Variants in SRBD1 observed in about 807,000 individuals in gnomAD.
SRBD1 encodes S1 RNA-binding domain-containing protein 1.
Under a neutral mutation model 115.3 loss-of-function variants are expected in SRBD1, and 88 were observed. The ratio of observed to expected loss-of-function variants is 0.76; its 90% CI spans 0.64 to 0.91. The LOEUF is 0.91. Among genes scored for constraint, SRBD1 ranks in the 40% least tolerant of loss-of-function variants. The pLI is 0.00. For synonymous variants in SRBD1, 509 were observed against 407.7 expected (o/e 1.25, Z -2.99); for missense variants, 1,385 against 1,177.4 (o/e 1.18, Z -2.58).
intron 14 of SRBD1, among the ~76,000 whole-genome samples, chr2:45,535,820 G>T (rs539716249): frequency 1.6e-4 from 25 of 152,060 alleles, no homozygotes; most frequent in African/African-American, 5.8e-4. Context: ...GAAGCAATGA[G>T]ATTTCTTTTC....
chr2:45,595,172 A>T (rs1400005834), intron 4 of SRBD1, among the ~76,000 whole-genome samples: 4 of 152,210 alleles, frequency 2.6e-5, no homozygotes, highest in Admixed American at 2.6e-4. Flanking sequence ...CTAAAACTAA[A>T]TCAAGTGTTG....
intron 9 of SRBD1, among the ~76,000 whole-genome samples, chr2:45,571,109 A>C (rs956494395): frequency 6.6e-6 from 1 of 152,070 alleles, no homozygotes; most frequent in African/African-American, 2.4e-5. Context: ...TTAAGCTTTC[A>C]CCTCTAGATG....
At chr2:45,550,516 T>C (rs28504192) in intron 12 of SRBD1, among the ~76,000 whole-genome samples, 13,630 of 147,200 alleles carry the variant, frequency 0.093, 939 homozygotes, top group African/African-American at 0.18. Flanking sequence ...AAGAATGACA[T>C]CTTTAAAGTA....
intron 14 of SRBD1, among the ~76,000 whole-genome samples, chr2:45,502,156 G>A (rs1427934966): frequency 1.3e-5 from 2 of 152,164 alleles, no homozygotes; most frequent in African/African-American, 4.8e-5. Context: ...TGCAGCCTCT[G>A]CTGCTGATAC....
At chr2:45,583,538 T>C (rs550789545) in intron 5 of SRBD1, among the ~76,000 whole-genome samples, 3 of 152,346 alleles carry the variant, frequency 2.0e-5, no homozygotes, top group Admixed American at 2.0e-4. Context: ...TATACATACA[T>C]ATAGATGCTA....
chr2:45,540,450 A>G (rs538010093), intron 14 of SRBD1, among the ~76,000 whole-genome samples: 30 of 152,296 alleles, frequency 2.0e-4, no homozygotes, highest in African/African-American at 6.7e-4. Context: ...GAAGAAAATC[A>G]CAGTAACCTT....
intron 19 of SRBD1, among the ~76,000 whole-genome samples, chr2:45,401,647 T>TA (rs1667294617): frequency 6.6e-6 from 1 of 152,226 alleles, no homozygotes; most frequent in African/African-American, 2.4e-5. Context: ...AACGTGTTTT[T>TA]ATCATTGCAG....
At chr2:45,537,275 A>G (rs906003253) in intron 14 of SRBD1, among the ~76,000 whole-genome samples, 9 of 152,154 alleles carry the variant, frequency 5.9e-5, no homozygotes, top group African/African-American at 1.7e-4. Context: ...TTATACCTAT[A>G]CTTACCTAAA....
intron 15 of SRBD1, among the ~76,000 whole-genome samples, chr2:45,487,720 T>C (rs1029791890): frequency 6.6e-6 from 1 of 152,164 alleles, no homozygotes; most frequent in Non-Finnish European, 1.5e-5. Context: ...AGTGGCACAA[T>C]CTTGGCTCAC....
At chr2:45,438,934 G>A (rs546336172) in intron 16 of SRBD1, among the ~76,000 whole-genome samples, 2 of 152,200 alleles carry the variant, frequency 1.3e-5, no homozygotes, top group South Asian at 4.1e-4. Context: ...GAAACTTTAT[G>A]GTCAAACTGC....
intron 14 of SRBD1, among the ~76,000 whole-genome samples, chr2:45,518,642 A>G (rs1671191382): frequency 6.6e-6 from 1 of 152,216 alleles, no homozygotes; most frequent in Non-Finnish European, 1.5e-5. Flanking sequence ...GTGCCTTTGT[A>G]AGAATCAACC....
At chr2:45,562,586 A>C (rs886812454) in intron 10 of SRBD1, 67 bp downstream of exon 10, 2 of 1,265,608 alleles carry the variant, frequency 1.6e-6, no homozygotes, top group Non-Finnish European at 2.2e-6. Context: ...ATATCAGTAC[A>C]TATAGATATC....
intron 5 of SRBD1, among the ~76,000 whole-genome samples, chr2:45,582,309 C>T (rs549325369): frequency 3.3e-5 from 5 of 152,188 alleles, no homozygotes; most frequent in Middle Eastern, 3.4e-3. Context: ...AATTAAATAC[C>T]GATGGAGCAT....
chr2:45,493,272 T>C (rs142881959), intron 14 of SRBD1, among the ~76,000 whole-genome samples: 37 of 152,258 alleles, frequency 2.4e-4, no homozygotes, highest in African/African-American at 8.7e-4. Flanking sequence ...TGAACCAACA[T>C]AAATCTTAAT....
At chr2:45,498,071 C>G (rs955510313) in intron 14 of SRBD1, among the ~76,000 whole-genome samples, 2 of 152,150 alleles carry the variant, frequency 1.3e-5, no homozygotes, top group Non-Finnish European at 2.9e-5. Flanking sequence ...ACAATACTTA[C>G]TATTTGTCTC....
At chr2:45,605,247 T>TA in intron 2 of SRBD1, 115 bp downstream of exon 2, 1 of 867,454 alleles carries the variant, frequency 1.2e-6, no homozygotes, top group Non-Finnish European at 1.8e-6. Context: ...CATGAATGAA[T>TA]AAAAAAAGTT....
At chr2:45,555,525 C>G (rs760310128) in intron 10 of SRBD1, among the ~76,000 whole-genome samples, 3 of 135,282 alleles carry the variant, frequency 2.2e-5, no homozygotes, top group Admixed American at 8.0e-5. Flanking sequence ...GAGTCCTGCT[C>G]TGTCGCCCAG....
In SRBD1 at chr2:45,545,283, TAAAAAAAA is replaced by T. The variant is rs56909656; in HGVS notation, c.1874+1441_1874+1448del. ...TGACAGAGCGAGACTCTGTCTCAAT[TAAAAAAAA>T]AAAAAAAAAAAAAAAAAAAAAAAAC... On this transcript the variant is annotated intron_variant, in intron 14 of 20. Transcript: ENST00000263736. Among the ~76,000 whole-genome samples the T allele has an allele frequency of 5.0e-3, 345 of 68,572 alleles. 1 individual carries two copies. The highest frequency in any genetic ancestry group is 0.025 in the East Asian group (24 of 968). The allele number at this position is 68,572 out of a possible 152,430, so 45.0% of individuals were successfully genotyped here.
At chr2:45,577,900 G>C (rs1223716377) in intron 7 of SRBD1, among the ~76,000 whole-genome samples, 3 of 152,070 alleles carry the variant, frequency 2.0e-5, no homozygotes, top group Non-Finnish European at 4.4e-5. Context: ...AAAAGAAAGA[G>C]GGAGTAAAGC....
Sources: allele counts gnomAD v4.1 joint callset (sites outside exome capture counted in the v4.1 genomes callset), GRCh38; gene constraint gnomAD v4.1.1; transcripts MANE v1.5; gene names NCBI Gene and HGNC (gene_info 2026-07-23, HGNC 2026-07-21).